The following HEPH variants were observed in gnomAD, a reference collection of about 807,000 sequenced individuals.
HEPH encodes hephaestin.
In HEPH, 69 loss-of-function variants were observed where a neutral mutation model predicts 80.8. That is an observed-to-expected ratio of 0.85 (90% confidence interval 0.70 to 1.04). The LOEUF is 1.04. Among genes scored for constraint, HEPH ranks in the 50% least tolerant of loss-of-function variants. The pLI is 0.00. For synonymous variants in HEPH, 431 were observed against 322.8 expected, an observed-to-expected ratio of 1.34 and a Z score of -3.60; for missense variants, 1,115 against 891.3, an observed-to-expected ratio of 1.25 and a Z score of -3.20.
At chrX:66,224,321 C>CTT (rs746895556) in intron 15 of HEPH, among the ~76,000 whole-genome samples, 1 of 104,375 alleles carries the variant, frequency 9.6e-6, no homozygotes, top group African/African-American at 3.5e-5. Context: ...GTATAGATGA[C>CTT]TTTTTTTTTT....
intron 15 of HEPH, among the ~76,000 whole-genome samples, chrX:66,211,862 A>C (rs865971075): frequency 9.0e-6 from 1 of 111,586 alleles, no homozygotes; most frequent in Non-Finnish European, 1.9e-5. Context: ...CCTAGTAGTG[A>C]CATTGCTGGA....
chrX:66,171,752 T>C (rs1056172929), intron 2 of HEPH, among the ~76,000 whole-genome samples: 9 of 112,321 alleles, frequency 8.0e-5, no homozygotes, highest in African/African-American at 2.9e-4. Context: ...TCCACATTTA[T>C]TGAACTTTTA....
In HEPH at chrX:66,188,389, G is replaced by T; in HGVS notation, c.656G>T (p.Arg219Leu). ...CTGGATGGGAACTCCCCTCCTCAACGCCAGGATGTAGACCATGATTTCTTC... is the reference window on the plus strand; with the variant it reads ...CTGGATGGGAACTCCCCTCCTCAACTCCAGGATGTAGACCATGATTTCTTC... ...GALDGNSPPQ[R>L]QDVDHDFFLL... is the part of the protein sequence containing the mutation. Residue 219 changes from arginine (R) to leucine (L), a missense_variant, in exon 5 of 21, where the codon CGC becomes CTC. Around this residue, in one of 3 missense-constraint regions of HEPH, gnomAD observed 391 missense variants for 343.6 expected, o/e 1.14. Transcript: ENST00000343002. 9.2e-6 allele frequency: 11 copies of T among 1,197,475 alleles called. No individual in the cohort carries two copies. Among genetic ancestry groups the T allele is most frequent in the Non-Finnish European group, 1.2e-5 (11 of 888,089 alleles).
intron 1 of HEPH, among the ~76,000 whole-genome samples, chrX:66,165,832 A>G (rs2147461987): frequency 9.1e-6 from 1 of 110,384 alleles, no homozygotes; most frequent in East Asian, 2.8e-4. Flanking sequence ...ACTTTTTTCC[A>G]GGATTCTTTC....
At chrX:66,174,957 C>A (rs1283897069) in intron 4 of HEPH, among the ~76,000 whole-genome samples, 1 of 111,316 alleles carries the variant, frequency 9.0e-6, no homozygotes, top group African/African-American at 3.3e-5. Flanking sequence ...TTTTTTCCCA[C>A]TCTATGGGTT....
chrX:66,220,159 T>G (rs953655572), intron 15 of HEPH, among the ~76,000 whole-genome samples: 3 of 111,341 alleles, frequency 2.7e-5, no homozygotes, highest in Admixed American at 9.5e-5. Flanking sequence ...TTATTGGGCT[T>G]CCTATGGCCA....
At chrX:66,168,732 G>A (rs932697255) in intron 1 of HEPH, among the ~76,000 whole-genome samples, 2 of 111,647 alleles carry the variant, frequency 1.8e-5, no homozygotes, top group Non-Finnish European at 3.8e-5. Context: ...TATTAACAAT[G>A]CCTATTTCAT....
chrX:66,205,600 C>CT (rs35954260), intron 13 of HEPH, among the ~76,000 whole-genome samples: 8,005 of 98,976 alleles, frequency 0.081, 513 homozygotes, highest in African/African-American at 0.2. Flanking sequence ...ATTTTTCATG[C>CT]TTTTTTTTTT....
chrX:66,183,588 C>A, intron 4 of HEPH, among the ~76,000 whole-genome samples: 1 of 42,055 alleles, frequency 2.4e-5, no homozygotes. Flanking sequence ...TGATTCTTCT[C>A]TCTTTTTTTC....
At chrX:66,174,959 CTA>C (rs1229896809) in intron 4 of HEPH, among the ~76,000 whole-genome samples, 1 of 111,343 alleles carries the variant, frequency 9.0e-6, no homozygotes, top group African/African-American at 3.3e-5. Context: ...TTTTCCCACT[CTA>C]TGGGTTGTCT....
At position 66,260,281 on chromosome X, in the gene HEPH, A is replaced by G. The variant is rs2091318246; in HGVS notation, c.3199+19A>G. ...CGAACAGGTAAGTCCTAACTTCCCC[A>G]AAATGATCATCTTCTAACACTTTAT... On this transcript the variant is annotated intron_variant, in intron 19 of 20. Transcript: ENST00000343002. The G allele has an allele frequency of 8.5e-7, 1 of 1,170,285 alleles. No individual in the cohort carries two copies. The highest frequency in any genetic ancestry group is 2.2e-5 in the Admixed American group (1 of 45,355).
At chrX:66,227,698 G>A (rs1337186789) in intron 15 of HEPH, among the ~76,000 whole-genome samples, 2 of 111,804 alleles carry the variant, frequency 1.8e-5, no homozygotes, top group African/African-American at 6.5e-5. Context: ...TTGAAGATTA[G>A]TTGACTGTAA....
At chrX:66,222,888 A>G (rs765596522) in intron 15 of HEPH, among the ~76,000 whole-genome samples, 27 of 112,279 alleles carry the variant, frequency 2.4e-4, no homozygotes, top group Admixed American at 1.1e-3. Context: ...ACGGTCAGCA[A>G]TAGAACGAGG....
At chrX:66,197,602 C>A in intron 9 of HEPH, 81 bp from the exon 10 acceptor site, 1 of 857,117 alleles carries the variant, frequency 1.2e-6, no homozygotes, top group Non-Finnish European at 1.7e-6. Flanking sequence ...CTTTGTAGTT[C>A]ATAATCTTTA....
chrX:66,188,448 T>C lies in HEPH; in HGVS notation c.715T>C (p.Trp239Arg). Reference protein sequence around the residue: ...LFSVVDENLSWHLNENIATYC... With the variant: ...LFSVVDENLSRHLNENIATYC... ...CAGTGTGGTAGATGAGAACCTCAGC[T>C]GGCATCTCAATGAGAACATTGCCAC... The change falls in exon 5 of 21, where the codon TGG becomes CGG. Residue 239 changes from tryptophan (W) to arginine (R), a missense_variant. Trp to Arg is a moderately radical substitution (Grantham distance 101). This residue lies in a region of HEPH where 391 missense variants were observed against 343.6 expected (regional missense o/e 1.14). Transcript: ENST00000343002. The C allele has an allele frequency of 8.3e-7, 1 of 1,208,166 alleles. No homozygotes were observed. The highest frequency in any genetic ancestry group is 1.1e-6 in the Non-Finnish European group (1 of 892,772).
chrX:66,207,130 A>G, intron 13 of HEPH, 65 bp from the exon 14 acceptor site: 1 of 1,109,732 alleles, frequency 9.0e-7, no homozygotes, highest in African/African-American at 1.9e-5. Flanking sequence ...GCTTCCCCAT[A>G]AATACTCAAA....
intron 15 of HEPH, among the ~76,000 whole-genome samples, chrX:66,220,586 C>T (rs764203129): frequency 8.9e-6 from 1 of 111,935 alleles, no homozygotes; most frequent in Admixed American, 9.5e-5. Context: ...CATTCATTTC[C>T]ACACAGTCCT....
intron 15 of HEPH, among the ~76,000 whole-genome samples, chrX:66,223,210 G>A (rs901985212): frequency 1.8e-5 from 2 of 111,379 alleles, no homozygotes; most frequent in African/African-American, 6.5e-5. Context: ...TTAGTTTTGA[G>A]GGAAAGGAAA....
chrX:66,235,085 T>A (rs2090306035), intron 15 of HEPH, among the ~76,000 whole-genome samples: 1 of 111,724 alleles, frequency 9.0e-6, no homozygotes. Flanking sequence ...TCCTTATAGA[T>A]ATTGAATATT....
Sources: allele counts gnomAD v4.1 joint callset (sites outside exome capture counted in the v4.1 genomes callset), GRCh38; gene constraint gnomAD v4.1.1; regional missense constraint gnomAD v4.1.1; transcripts MANE v1.5; gene names NCBI Gene and HGNC (gene_info 2026-07-23, HGNC 2026-07-21).